The following PRR5L variants were observed in gnomAD, a reference collection of about 807,000 sequenced individuals.
The protein encoded by PRR5L is proline rich 5 like, also known as proline-rich protein 5-like.
Under a neutral mutation model 36.4 loss-of-function variants are expected in PRR5L, and 21 were observed. The ratio of observed to expected loss-of-function variants is 0.58; its 90% CI spans 0.41 to 0.83. PRR5L has a LOEUF of 0.83. PRR5L is among the 40% of genes least tolerant of loss of function. The pLI, the probability that PRR5L is intolerant of heterozygous loss-of-function variation, is 0.00. For missense variants in PRR5L, 381 were observed against 473.3 expected (o/e 0.80, Z 1.81); for synonymous variants, 188 against 197.0 (o/e 0.95, Z 0.38).
chr11:36,351,659 A>ATT (rs1476172462), intron 1 of PRR5L, among the ~76,000 whole-genome samples: 4 of 1,248 alleles, frequency 3.2e-3, no homozygotes, highest in Non-Finnish European at 4.2e-3. Flanking sequence ...ATTTATATAA[A>ATT]TATATATTTA....
In PRR5L at chr11:36,418,330, T is replaced by A. The variant is rs866571834; in HGVS notation, c.246-925T>A. Among the ~76,000 whole-genome samples the A allele has an allele frequency of 1.8e-4, 27 of 152,124 alleles. 1 individual carries two copies. In the Middle Eastern group the frequency reaches 0.017, roughly 96 times the overall value. The stretch of plus-strand genomic sequence containing the variant: ...AGACCACCCAAACCATGGTACCAAG[T>A]TGAATTTTAAGTTAGGGTGAGGGGA... On this transcript the variant is annotated intron_variant, in intron 3 of 8. Coordinates refer to ENST00000530639, the MANE Select transcript of PRR5L (RefSeq NM_001160167.2).
Position 36,462,403 on chromosome 11 carries a change from C to G in PRR5L, c.774C>G (p.Thr258=), listed in dbSNP as rs537729454. 6.4e-7 allele frequency: 1 copy of G among 1,566,098 alleles called. No homozygotes were observed. The highest frequency in any genetic ancestry group is 1.2e-5 in the South Asian group (1 of 83,396). The change falls in exon 9 of 9, where the codon ACC becomes ACG. Residue 258 remains threonine (T), a synonymous_variant. Transcript: ENST00000530639. ...VTVLNYASPI[T]AVSRPLNEMV... ...TCCTGAACTATGCCTCCCCGATAAC[C>G]GCAGTCAGCCGGCCACTGAATGAGA... is the stretch of plus-strand genomic sequence containing the variant.
At chr11:36,392,366 AT>A (rs1253098575) in intron 1 of PRR5L, among the ~76,000 whole-genome samples, 2 of 152,162 alleles carry the variant, frequency 1.3e-5, no homozygotes, top group East Asian at 3.9e-4. Context: ...TGGTAGCCCT[AT>A]TTTTTGTTTT....
At chr11:36,461,893 T>C (rs1043424168) in intron 8 of PRR5L, among the ~76,000 whole-genome samples, 4 of 152,164 alleles carry the variant, frequency 2.6e-5, no homozygotes, top group Admixed American at 2.6e-4. Flanking sequence ...TCTCTTCCTC[T>C]GGATTTCAGC....
At chr11:36,402,764 A>T (rs1489126762) in intron 2 of PRR5L, among the ~76,000 whole-genome samples, 1 of 152,186 alleles carries the variant, frequency 6.6e-6, no homozygotes, top group East Asian at 1.9e-4. Flanking sequence ...CTCTCAAGGG[A>T]CTAACTCTAC....
chr11:36,328,158 G>A (rs1409976718), intron 1 of PRR5L, among the ~76,000 whole-genome samples: 1 of 152,054 alleles, frequency 6.6e-6, no homozygotes, highest in Non-Finnish European at 1.5e-5. Context: ...TAGAATTTGG[G>A]GTCTTATACT....
chr11:36,354,077 T>C (rs1857002390), intron 1 of PRR5L, among the ~76,000 whole-genome samples: 2 of 152,216 alleles, frequency 1.3e-5, no homozygotes, highest in African/African-American at 4.8e-5. Flanking sequence ...GACTTCATTG[T>C]CAGGAGCACC....
chr11:36,423,131 G>A (rs1413758517), intron 4 of PRR5L, among the ~76,000 whole-genome samples: 1 of 152,134 alleles, frequency 6.6e-6, no homozygotes, highest in Non-Finnish European at 1.5e-5. Context: ...TAGAAACTCA[G>A]GCTAGAGTCA....
chr11:36,401,426 T>C (rs1857793944), intron 2 of PRR5L, 141 bp downstream of exon 2: 1 of 757,258 alleles, frequency 1.3e-6, no homozygotes, highest in Non-Finnish European at 2.1e-6. Context: ...GCAAATTTTC[T>C]TTTTTTCCTT....
chr11:36,463,596 G>GTA lies in PRR5L; in HGVS notation c.*862_*863dup, dbSNP rs1859236724. On this transcript the variant is annotated 3_prime_UTR_variant, in exon 9 of 9. Transcript: ENST00000530639. ...CCAGCTGATACCAACCAACTGGCCTGTATCTATCTATCTGGATTTGACTTG... is the reference window on the plus strand; with the variant it reads ...CCAGCTGATACCAACCAACTGGCCTGTATATCTATCTATCTGGATTTGACTTG... 2 of 152,430 alleles carry GTA rather than the reference G, an allele frequency of 1.3e-5. No individual in the cohort carries two copies. The highest frequency in any genetic ancestry group is 2.9e-5 in the Non-Finnish European group (2 of 68,026). The allele number at this position is 152,430 out of a possible 1,614,324, so 9.4% of individuals were successfully genotyped here.
chr11:36,368,035 T>C (rs1857162083), intron 1 of PRR5L, among the ~76,000 whole-genome samples: 2 of 151,442 alleles, frequency 1.3e-5, no homozygotes, highest in African/African-American at 4.9e-5. Flanking sequence ...GGAGTGGGTG[T>C]AAATAGGAAA....
intron 1 of PRR5L, among the ~76,000 whole-genome samples, chr11:36,310,879 C>T (rs1298752805): frequency 7.2e-5 from 11 of 151,726 alleles, no homozygotes; most frequent in Non-Finnish European, 1.2e-4. Context: ...TGCCTGTAAT[C>T]CCAGCTACTC....
chr11:36,348,447 C>T (rs886664599), intron 1 of PRR5L, among the ~76,000 whole-genome samples: 2 of 152,122 alleles, frequency 1.3e-5, no homozygotes, highest in Admixed American at 1.3e-4. Flanking sequence ...ATCCGAATCC[C>T]ACTCCTGCTT....
At chr11:36,457,567 C>T (rs1337100042) in intron 8 of PRR5L, among the ~76,000 whole-genome samples, 3 of 150,750 alleles carry the variant, frequency 2.0e-5, no homozygotes, top group Admixed American at 6.6e-5. Context: ...GTTCGCGCCA[C>T]TGCACTCCAG....
At chr11:36,298,585 G>A (rs1413672681) in intron 1 of PRR5L, among the ~76,000 whole-genome samples, 1 of 152,188 alleles carries the variant, frequency 6.6e-6, no homozygotes. Flanking sequence ...GAGCTCAGGT[G>A]GTAATGTGAA....
At chr11:36,309,008 G>A (rs1856466316) in intron 1 of PRR5L, among the ~76,000 whole-genome samples, 1 of 152,224 alleles carries the variant, frequency 6.6e-6, no homozygotes, top group Admixed American at 6.5e-5. Flanking sequence ...TTTTTATTTT[G>A]CAGCAGTATT....
intron 1 of PRR5L, among the ~76,000 whole-genome samples, chr11:36,388,408 G>A (rs1210068328): frequency 6.6e-6 from 1 of 152,042 alleles, no homozygotes; most frequent in African/African-American, 2.4e-5. Context: ...AGTCACTATT[G>A]CCTTTACATT....
chr11:36,358,431 C>T (rs986867176), intron 1 of PRR5L, among the ~76,000 whole-genome samples: 2 of 152,236 alleles, frequency 1.3e-5, no homozygotes, highest in African/African-American at 4.8e-5. Flanking sequence ...AAAAAGATTA[C>T]TACTCACTGA....
chr11:36,392,189 T>C (rs1404084987), intron 1 of PRR5L, among the ~76,000 whole-genome samples: 6 of 152,236 alleles, frequency 3.9e-5, no homozygotes, highest in Non-Finnish European at 8.8e-5. Flanking sequence ...TATGTACATG[T>C]ACCACATTTT....
Sources: allele counts gnomAD v4.1 joint callset (sites outside exome capture counted in the v4.1 genomes callset), GRCh38; gene constraint gnomAD v4.1.1; transcripts MANE v1.5; gene names NCBI Gene and HGNC (gene_info 2026-07-23, HGNC 2026-07-21).